The following TEX11 variants were observed in gnomAD, a reference collection of about 807,000 sequenced individuals.
TEX11 encodes testis-expressed protein 11.
A neutral mutation model predicts 84.4 loss-of-function variants in TEX11; 7 were observed. The ratio of observed to expected loss-of-function variants is 0.08; its 90% CI spans 0.05 to 0.16. The LOEUF (loss-of-function observed/expected upper bound fraction) is 0.16. Ranked by LOEUF, TEX11 falls within the 10% of genes least tolerant of loss-of-function variation. The pLI, the probability that TEX11 is intolerant of heterozygous loss-of-function variation, is 1.00. For synonymous variants in TEX11, 264 were observed against 222.8 expected (o/e 1.18, Z -1.64); for missense variants, 551 against 660.5 (o/e 0.83, Z 1.82).
intron 25 of TEX11, among the ~76,000 whole-genome samples, chrX:70,588,057 C>T (rs1473756943): frequency 8.9e-6 from 1 of 112,330 alleles, no homozygotes; most frequent in Non-Finnish European, 1.9e-5. Flanking sequence ...ATATCTGTAC[C>T]CCCATTTTAT....
chrX:70,596,542 G>GGTCAAACAGGAA (rs2089009112), intron 24 of TEX11, among the ~76,000 whole-genome samples: 1 of 110,220 alleles, frequency 9.1e-6, no homozygotes, highest in South Asian at 3.8e-4. Flanking sequence ...ATAATAAATG[G>GGTCAAACAGGAA]GTCAAACAGG....
chrX:70,861,061 CTTT>C (rs11363600), intron 4 of TEX11, 125 bp from the exon 5 acceptor site: 2,714 of 230,720 alleles, frequency 0.012, no homozygotes, highest in East Asian at 0.018. Flanking sequence ...TTGTAAAGGC[CTTT>C]TTTTTTTTTT....
At chrX:70,709,365 G>C (rs972340600) in intron 13 of TEX11, among the ~76,000 whole-genome samples, 2 of 111,109 alleles carry the variant, frequency 1.8e-5, no homozygotes, top group Non-Finnish European at 3.8e-5. Flanking sequence ...AATTATTATT[G>C]AGTATGAGGT....
In TEX11 at chrX:70,884,104, C is replaced by G. The variant is rs141781000; in HGVS notation, c.38-3995G>C. Among the ~76,000 whole-genome samples the G allele has an allele frequency of 3.4e-3, 380 of 112,398 alleles. 10 individuals are homozygous for G. In the East Asian group the frequency reaches 0.072, roughly 21 times the overall value. ...ACATTTGCATATTGCTTTCCAGTCT[C>G]GAAGCTTTTTCATATGCATTCTCAT... On this transcript the variant is annotated intron_variant, in intron 2 of 29. Transcript: ENST00000374333.
At chrX:70,892,932 C>T (rs2091746649) in intron 2 of TEX11, among the ~76,000 whole-genome samples, 1 of 110,155 alleles carries the variant, frequency 9.1e-6, no homozygotes, top group African/African-American at 3.3e-5. Context: ...ACACTTTAAA[C>T]CAACAAAGAT....
chrX:70,648,225 G>A (rs2089769739), intron 17 of TEX11, among the ~76,000 whole-genome samples: 1 of 110,598 alleles, frequency 9.0e-6, no homozygotes, highest in African/African-American at 3.3e-5. Flanking sequence ...AGAACACTTG[G>A]ACACAGGAAG....
At chrX:70,552,829 G>C (rs772098980) in intron 27 of TEX11, among the ~76,000 whole-genome samples, 88 of 111,608 alleles carry the variant, frequency 7.9e-4, no homozygotes, top group African/African-American at 2.7e-3. Context: ...GGTGCTGCGT[G>C]CCTGTAATCC....
chrX:70,634,008 T>G (rs1986540239), intron 17 of TEX11, among the ~76,000 whole-genome samples: 1 of 112,067 alleles, frequency 8.9e-6, no homozygotes, highest in African/African-American at 3.2e-5. Context: ...CTGCAACTAA[T>G]AAGTGAGTTT....
At chrX:70,732,997 A>G (rs1244303881) in intron 11 of TEX11, among the ~76,000 whole-genome samples, 1 of 111,921 alleles carries the variant, frequency 8.9e-6, no homozygotes, top group Non-Finnish European at 1.9e-5. Context: ...AAATAATGCC[A>G]CACATCTACA....
intron 20 of TEX11, among the ~76,000 whole-genome samples, chrX:70,614,776 T>C (rs2089299480): frequency 9.0e-6 from 1 of 111,002 alleles, no homozygotes; most frequent in Non-Finnish European, 1.9e-5. Context: ...GGGGTGCTTG[T>C]ATCAACATAC....
chrX:70,584,591 A>T (rs1235591535), intron 25 of TEX11, among the ~76,000 whole-genome samples: 1 of 111,731 alleles, frequency 9.0e-6, no homozygotes, highest in Non-Finnish European at 1.9e-5. Flanking sequence ...TGTAGACATC[A>T]CAAGAAAAGA....
chrX:70,787,235 C>T (rs1443570957), intron 9 of TEX11, among the ~76,000 whole-genome samples: 3 of 112,310 alleles, frequency 2.7e-5, no homozygotes, highest in African/African-American at 9.7e-5. Flanking sequence ...CAATAAAGTC[C>T]ATATATAAGA....
At chrX:70,709,166 AG>A (rs1407770954) in intron 13 of TEX11, among the ~76,000 whole-genome samples, 43 of 111,622 alleles carry the variant, frequency 3.9e-4, no homozygotes, top group African/African-American at 1.2e-3. Flanking sequence ...AATACATTAC[AG>A]GGATATTCAA....
At chrX:70,564,660 T>A (rs2088431101) in intron 25 of TEX11, among the ~76,000 whole-genome samples, 1 of 105,813 alleles carries the variant, frequency 9.5e-6, no homozygotes, top group East Asian at 3.0e-4. Context: ...CAGTGTTTGG[T>A]TTTTTGTTCT....
chrX:70,896,724 C>A (rs2091767926), intron 2 of TEX11, among the ~76,000 whole-genome samples: 1 of 111,086 alleles, frequency 9.0e-6, no homozygotes, highest in African/African-American at 3.3e-5. Context: ...TTTGCAGGGA[C>A]ATGGATGAAG....
intron 7 of TEX11, among the ~76,000 whole-genome samples, chrX:70,849,852 C>A (rs1157038721): frequency 1.8e-5 from 2 of 111,930 alleles, no homozygotes; most frequent in African/African-American, 6.5e-5. Flanking sequence ...ATATCAACAT[C>A]CACCACACTG....
rs773293282 is a variant in TEX11 at position 70,611,621 on chromosome X, C to T, written c.1752-1078G>A. 5.4e-5 allele frequency among the ~76,000 whole-genome samples: 6 copies of T among 111,498 alleles called. No homozygotes were observed. In the South Asian group the frequency reaches 1.5e-3, roughly 29 times the overall value. ...AACACTTTAAAACATGCCAGAGCAC[C>T]CTGTTCTTAACAAGTCTTGCCCTCA... On this transcript the variant is annotated intron_variant, in intron 20 of 29. Coordinates refer to ENST00000374333, the MANE Select transcript of TEX11 (RefSeq NM_031276.3).
intron 11 of TEX11, among the ~76,000 whole-genome samples, chrX:70,733,850 C>G (rs979287055): frequency 1.8e-5 from 2 of 111,546 alleles, no homozygotes; most frequent in African/African-American, 6.5e-5. Flanking sequence ...AAGACATACG[C>G]ACACGTATGT....
At chrX:70,516,490 T>C in the TEX11 span, among the ~76,000 whole-genome samples, 1 of 112,152 alleles carries the variant, frequency 8.9e-6, no homozygotes, top group Non-Finnish European at 1.9e-5. Context: ...AACTCTGTTT[T>C]GGTACCAGTA....
Sources: gnomAD v4.1 joint callset for allele counts (sites outside exome capture counted in the v4.1 genomes callset) on GRCh38, gnomAD v4.1.1 for gene constraint, MANE v1.5 for transcripts, NCBI Gene and HGNC (gene_info 2026-07-23, HGNC 2026-07-21) for gene names.